Variants in GLIS3 observed in about 807,000 individuals in gnomAD.
The protein encoded by GLIS3 is GLIS family zinc finger 3.
In GLIS3, 53 loss-of-function variants were observed where a neutral mutation model predicts 78.6. That is an observed-to-expected ratio of 0.67 (90% CI 0.54 to 0.85). GLIS3 has a LOEUF of 0.85. Ranked by LOEUF, GLIS3 falls within the 40% of genes least tolerant of loss-of-function variation. The probability of loss-of-function intolerance (pLI) is 0.00; values close to 1 mark genes in which losing one functional copy is unlikely to be tolerated. For synonymous variants in GLIS3, 684 were observed against 509.9 expected, an observed-to-expected ratio of 1.34 and a Z score of -4.60; for missense variants, 1,703 against 1,231.1, an observed-to-expected ratio of 1.38 and a Z score of -5.74.
chr9:4,062,854 A>G (rs1047804651), intron 4 of GLIS3, among the ~76,000 whole-genome samples: 11 of 152,080 alleles, frequency 7.2e-5, no homozygotes, highest in African/African-American at 2.4e-4. Flanking sequence ...GCATGAACCC[A>G]GGAGGCGGAG....
At chr9:3,836,241 A>G (rs1175065010) in intron 9 of GLIS3, among the ~76,000 whole-genome samples, 1 of 152,232 alleles carries the variant, frequency 6.6e-6, no homozygotes, top group Non-Finnish European at 1.5e-5. Flanking sequence ...CGGCAGAGGC[A>G]GAATTGGCAG....
chr9:3,847,601 T>C (rs902124273), intron 9 of GLIS3, among the ~76,000 whole-genome samples: 5 of 152,392 alleles, frequency 3.3e-5, no homozygotes, highest in African/African-American at 7.2e-5. Flanking sequence ...TAGTTATATA[T>C]GTAGATTATT....
At chr9:4,223,275 A>C (rs1026689871) in intron 2 of GLIS3, among the ~76,000 whole-genome samples, 21 of 152,194 alleles carry the variant, frequency 1.4e-4, no homozygotes, top group African/African-American at 4.6e-4. Flanking sequence ...AGGACTTACT[A>C]CCACTTCTAC....
At chr9:4,455,343 A>G in the GLIS3 span, among the ~76,000 whole-genome samples, 1 of 152,192 alleles carries the variant, frequency 6.6e-6, no homozygotes, top group African/African-American at 2.4e-5. Context: ...AGCATTATCC[A>G]CAAGTTATTA....
At chr9:4,488,972 T>G in the GLIS3 span, among the ~76,000 whole-genome samples, 1 of 152,096 alleles carries the variant, frequency 6.6e-6, no homozygotes. Context: ...GTTCAAGCGA[T>G]TCTCCTCCCT....
At chr9:4,300,498 A>C (rs1350313398), upstream of GLIS3, among the ~76,000 whole-genome samples, 1 of 152,176 alleles carries the variant, frequency 6.6e-6, no homozygotes, top group Non-Finnish European at 1.5e-5. Flanking sequence ...GATGCACATG[A>C]CAGCTTCGAA....
rs181001871 is a variant in GLIS3 at position 3,834,110 on chromosome 9, G to C, written c.2474-4618C>G. On this transcript the variant is annotated intron_variant, in intron 9 of 10. Transcript: ENST00000381971. ...TTTTTGCCTCTAATATCATGCATGA[G>C]TTTCTTCACATTCATTCATTCTTAG... Among the ~76,000 whole-genome samples, 46 of 152,272 alleles carry C rather than the reference G, an allele frequency of 3.0e-4. No homozygotes were observed. In the East Asian group the frequency reaches 7.9e-3, roughly 26 times the overall value.
At chr9:4,079,245 T>C (rs1828340369) in intron 4 of GLIS3, among the ~76,000 whole-genome samples, 1 of 152,164 alleles carries the variant, frequency 6.6e-6, no homozygotes. Context: ...ATAGTCAACA[T>C]GGGTGGTAAG....
At chr9:4,039,816 T>TC (rs1280510525) in intron 4 of GLIS3, among the ~76,000 whole-genome samples, 2 of 152,250 alleles carry the variant, frequency 1.3e-5, no homozygotes, top group Non-Finnish European at 2.9e-5. Flanking sequence ...AATGGTCAAG[T>TC]ACTACAGGAG....
intron 4 of GLIS3, among the ~76,000 whole-genome samples, chr9:4,087,313 C>T (rs930495344): frequency 6.6e-6 from 1 of 152,184 alleles, no homozygotes; most frequent in Non-Finnish European, 1.5e-5. Context: ...TGCGGCAAAA[C>T]ATACTTTCAA....
At chr9:4,447,360 C>G in the GLIS3 span, among the ~76,000 whole-genome samples, 1 of 152,082 alleles carries the variant, frequency 6.6e-6, no homozygotes, top group African/African-American at 2.4e-5. Context: ...CAGGAGTGAG[C>G]CACCATGCCT....
At position 3,861,095 on chromosome 9, in the gene GLIS3, A is replaced by G. The variant is rs549057763; in HGVS notation, c.2298-4911T>C. Among the ~76,000 whole-genome samples the G allele has an allele frequency of 2.6e-5, 4 of 152,300 alleles. No individual in the cohort carries two copies. In the South Asian group the frequency reaches 8.3e-4, roughly 32 times the overall value. ...GTCTGATGCCTTCCGGGTGATCAAC[A>G]CATGTTTATGGAATGATCGATTGAA... On this transcript the variant is annotated intron_variant, in intron 8 of 10. Transcript: ENST00000381971.
At chr9:3,872,501 AG>A (rs1320555322) in intron 8 of GLIS3, among the ~76,000 whole-genome samples, 1 of 152,258 alleles carries the variant, frequency 6.6e-6, no homozygotes, top group Admixed American at 6.5e-5. Flanking sequence ...GCAGATTGTA[AG>A]GAGGAGCAAC....
intron 2 of GLIS3, among the ~76,000 whole-genome samples, chr9:4,321,866 A>G (rs1386992529): frequency 6.6e-6 from 1 of 151,844 alleles, no homozygotes; most frequent in Non-Finnish European, 1.5e-5. Context: ...ACACTACCAC[A>G]CCCGATAATT....
intron 2 of GLIS3, among the ~76,000 whole-genome samples, chr9:4,319,983 TTGTGTGTGTG>T (rs58794068): frequency 0.14 from 20,441 of 145,004 alleles, 1,476 homozygotes; most frequent in East Asian, 0.29. Flanking sequence ...GTAGAGGGGG[TTGTGTGTGTG>T]TGTGTGTGTG....
the GLIS3 span, among the ~76,000 whole-genome samples, chr9:4,410,968 T>G: frequency 6.6e-6 from 1 of 152,208 alleles, no homozygotes; most frequent in Non-Finnish European, 1.5e-5. Context: ...AAATTGTGTA[T>G]GAGCCTAAAA....
chr9:3,854,508 C>G (rs1819631957), intron 9 of GLIS3, among the ~76,000 whole-genome samples: 1 of 150,710 alleles, frequency 6.6e-6, no homozygotes, highest in South Asian at 2.1e-4. Flanking sequence ...TTAATATCAC[C>G]TCGTCTTTGC....
the GLIS3 span, among the ~76,000 whole-genome samples, chr9:4,382,197 C>T: frequency 3.9e-5 from 6 of 152,136 alleles, no homozygotes; most frequent in Admixed American, 1.3e-4. Context: ...TTTTTCTGGC[C>T]AGATGCTGAA....
At chr9:3,978,772 A>G (rs1373563808) in intron 4 of GLIS3, among the ~76,000 whole-genome samples, 1 of 152,142 alleles carries the variant, frequency 6.6e-6, no homozygotes, top group East Asian at 1.9e-4. Flanking sequence ...TGGCACTCCC[A>G]AGTCTAAGTA....
Sources: allele counts gnomAD v4.1 joint callset (sites outside exome capture counted in the v4.1 genomes callset), GRCh38; gene constraint gnomAD v4.1.1; transcripts MANE v1.5; gene names NCBI Gene and HGNC (gene_info 2026-07-23, HGNC 2026-07-21).